Variants in TBCK observed in about 807,000 individuals in gnomAD.
The protein encoded by TBCK is TBC domain-containing protein kinase-like protein.
Under a neutral mutation model 113.4 loss-of-function variants are expected in TBCK, and 99 were observed. The ratio of observed to expected loss-of-function variants is 0.87; its 90% CI spans 0.74 to 1.03. The LOEUF (loss-of-function observed/expected upper bound fraction) is 1.03, where lower values mean the gene tolerates loss of function less well. Among genes scored for constraint, TBCK ranks in the 50% least tolerant of loss-of-function variants. TBCK has a pLI of 0.00. For synonymous variants in TBCK, 369 were observed against 370.8 expected (o/e 1.00, Z 0.05); for missense variants, 1,045 against 1,061.3 (o/e 0.98, Z 0.21).
At chr4:106,186,064 A>G (rs1172120541) in intron 22 of TBCK, among the ~76,000 whole-genome samples, 3 of 152,124 alleles carry the variant, frequency 2.0e-5, no homozygotes, top group African/African-American at 4.8e-5. Context: ...GCATGATCTC[A>G]TTCATTTTAT....
intron 3 of TBCK, among the ~76,000 whole-genome samples, chr4:106,290,176 T>G (rs1765540978): frequency 1.3e-5 from 2 of 151,920 alleles, no homozygotes; most frequent in African/African-American, 4.8e-5. Context: ...AATATATTAT[T>G]TTATTTATTT....
intron 23 of TBCK, among the ~76,000 whole-genome samples, chr4:106,128,884 A>G (rs7664973): frequency 1.3e-5 from 2 of 152,188 alleles, no homozygotes; most frequent in African/African-American, 4.8e-5. Context: ...ATCGTATGAT[A>G]TTGCATCAGG....
intron 25 of TBCK, among the ~76,000 whole-genome samples, chr4:106,092,916 G>C (rs1434409897): frequency 1.3e-5 from 2 of 152,206 alleles, no homozygotes; most frequent in Non-Finnish European, 2.9e-5. Flanking sequence ...CCAAGAGTGA[G>C]CGAGGGCTGC....
intron 19 of TBCK, among the ~76,000 whole-genome samples, chr4:106,226,630 T>C (rs1210911782): frequency 6.6e-6 from 1 of 152,206 alleles, no homozygotes; most frequent in African/African-American, 2.4e-5. Context: ...TGATGATTAT[T>C]AAATTTCTTT....
intron 24 of TBCK, 27 bp downstream of exon 24, chr4:106,116,176 C>A (rs1236023899): frequency 8.7e-6 from 14 of 1,609,904 alleles, no homozygotes; most frequent in Non-Finnish European, 1.1e-5. Flanking sequence ...CAGTACCACC[C>A]TTTAAAACAG....
intron 2 of TBCK, among the ~76,000 whole-genome samples, chr4:106,304,537 G>A (rs1326470922): frequency 5.9e-5 from 9 of 152,070 alleles, no homozygotes; most frequent in Non-Finnish European, 1.0e-4. Flanking sequence ...ATAATTTGAA[G>A]CAGTTAGATT....
At chr4:106,118,721 C>T (rs1743871897) in intron 23 of TBCK, among the ~76,000 whole-genome samples, 2 of 152,090 alleles carry the variant, frequency 1.3e-5, no homozygotes, top group Non-Finnish European at 2.9e-5. Context: ...AAAAGAGTGC[C>T]CTGACTAAGA....
chr4:106,100,254 T>C lies in TBCK; in HGVS notation c.2412-4613A>G, dbSNP rs574675668. Among the ~76,000 whole-genome samples the C allele has an allele frequency of 1.6e-4, 25 of 151,800 alleles. No individual in the cohort carries two copies. The South Asian group carries it at 3.4e-3, about 20-fold the overall frequency. ...TCTTTGAATCTCTTGCAAGGATTAA[T>C]AGAATGCTTAGAACATCACTTACAT... On this transcript the variant is annotated intron_variant, in intron 24 of 25. Coordinates refer to ENST00000394708, the MANE Select transcript of TBCK (RefSeq NM_001163435.3).
chr4:106,130,683 T>C (rs1166477070), intron 23 of TBCK, among the ~76,000 whole-genome samples: 1 of 151,998 alleles, frequency 6.6e-6, no homozygotes, highest in Non-Finnish European at 1.5e-5. Flanking sequence ...AATTTTATTT[T>C]TGTTCTTCCT....
chr4:106,291,367 C>A (rs1380885093), intron 3 of TBCK, among the ~76,000 whole-genome samples: 1 of 152,154 alleles, frequency 6.6e-6, no homozygotes, highest in Non-Finnish European at 1.5e-5. Context: ...CAGCAGAAGA[C>A]TCTAAGACTG....
chr4:106,257,116 A>G (rs567296644), intron 5 of TBCK, among the ~76,000 whole-genome samples: 1 of 152,312 alleles, frequency 6.6e-6, no homozygotes. Flanking sequence ...CAGGTAGTAA[A>G]TAAGAATTAG....
chr4:106,157,618 G>T (rs1209746336), intron 23 of TBCK, among the ~76,000 whole-genome samples: 1 of 152,178 alleles, frequency 6.6e-6, no homozygotes, highest in Non-Finnish European at 1.5e-5. Flanking sequence ...GCATTCTGCT[G>T]TAACAGGATA....
intron 24 of TBCK, among the ~76,000 whole-genome samples, chr4:106,107,750 TCA>T (rs1481666530): frequency 7.9e-5 from 12 of 151,822 alleles, no homozygotes; most frequent in Non-Finnish European, 4.4e-5. Flanking sequence ...CAAAACAACC[TCA>T]AAGCTAATAG....
At chr4:106,256,228 G>C (rs1161258323) in intron 5 of TBCK, among the ~76,000 whole-genome samples, 1 of 152,152 alleles carries the variant, frequency 6.6e-6, no homozygotes, top group Admixed American at 6.5e-5. Context: ...TGGGCTTGAA[G>C]GCAGGGCTTC....
intron 25 of TBCK, among the ~76,000 whole-genome samples, chr4:106,047,642 C>A (rs1734360382): frequency 6.6e-6 from 1 of 152,138 alleles, no homozygotes; most frequent in Non-Finnish European, 1.5e-5. Flanking sequence ...TTTGGCCTTA[C>A]CTCATTTATT....
At chr4:106,149,709 A>T (rs1242791498) in intron 23 of TBCK, among the ~76,000 whole-genome samples, 1 of 152,254 alleles carries the variant, frequency 6.6e-6, no homozygotes, top group African/African-American at 2.4e-5. Context: ...AAATATTGCA[A>T]GAATTACCAA....
intron 3 of TBCK, among the ~76,000 whole-genome samples, chr4:106,269,387 T>G (rs1017407106): frequency 2.6e-5 from 4 of 151,756 alleles, no homozygotes; most frequent in Admixed American, 1.3e-4. Context: ...AGCTAGTGTC[T>G]TTGAGGCTTT....
chr4:106,263,100 T>C (rs937349170), intron 3 of TBCK, among the ~76,000 whole-genome samples: 5 of 151,932 alleles, frequency 3.3e-5, no homozygotes, highest in African/African-American at 1.2e-4. Context: ...TTATTAATTA[T>C]CCTCTAATGT....
chr4:106,109,601 C>T (rs1742581598), intron 24 of TBCK, among the ~76,000 whole-genome samples: 1 of 152,162 alleles, frequency 6.6e-6, no homozygotes, highest in Admixed American at 6.5e-5. Context: ...GGACCCCTTC[C>T]TTACACCATA....
Sources: gnomAD v4.1 joint callset for allele counts (sites outside exome capture counted in the v4.1 genomes callset) on GRCh38, gnomAD v4.1.1 for gene constraint, MANE v1.5 for transcripts, NCBI Gene and HGNC (gene_info 2026-07-23, HGNC 2026-07-21) for gene names.